Variants in ARMH1 observed in about 807,000 individuals in gnomAD.
ARMH1 encodes armadillo like helical domain containing 1.
A neutral mutation model predicts 50.2 loss-of-function variants in ARMH1; 34 were observed. The ratio of observed to expected loss-of-function variants is 0.68; its 90% confidence interval spans 0.51 to 0.90. ARMH1 has a LOEUF of 0.90. ARMH1 is among the 40% of genes least tolerant of loss of function. The probability of loss-of-function intolerance (pLI) is 0.00; values close to 1 mark genes in which losing one functional copy is unlikely to be tolerated. For missense variants in ARMH1, 538 were observed against 553.9 expected (o/e 0.97, Z 0.29); for synonymous variants, 221 against 224.2 (o/e 0.99, Z 0.13).
intron 6 of ARMH1, among the ~76,000 whole-genome samples, chr1:44,717,860 T>C (rs1646917653): frequency 6.6e-6 from 1 of 152,216 alleles, no homozygotes; most frequent in South Asian, 2.1e-4. Context: ...ACTAGCACGA[T>C]ATATAAAGAG....
intron 4 of ARMH1, 64 bp from the exon 5 acceptor site, chr1:44,700,859 A>C: frequency 7.2e-7 from 1 of 1,388,120 alleles, no homozygotes; most frequent in South Asian, 1.5e-5. Flanking sequence ...ATATTATATA[A>C]TCTTGAGTGG....
chr1:44,678,061 G>A (rs1210878607), intron 1 of ARMH1, among the ~76,000 whole-genome samples: 1 of 152,094 alleles, frequency 6.6e-6, no homozygotes, highest in Non-Finnish European at 1.5e-5. Flanking sequence ...TGAGGATGGA[G>A]GAGACTTAGC....
In ARMH1 at chr1:44,683,196, G is replaced by C. The variant is rs78161491; in HGVS notation, c.-22-6480G>C. Among the ~76,000 whole-genome samples the C allele has an allele frequency of 1.3e-4, 20 of 152,312 alleles. No individual in the cohort carries two copies. The East Asian group carries it at 3.3e-3, about 25-fold the overall frequency. On this transcript the variant is annotated intron_variant, in intron 1 of 11. Transcript: ENST00000535358. The surrounding 1 kb of genome is among the most constrained non-coding windows in gnomAD (Gnocchi z 4.2). ...AGACAACTTTTGGCTGACTAGGAGG[G>C]TGGTGACCCAAGCACTGAAATAGGA...
intron 6 of ARMH1, among the ~76,000 whole-genome samples, chr1:44,715,064 G>T (rs1646797638): frequency 6.6e-6 from 1 of 152,154 alleles, no homozygotes; most frequent in Non-Finnish European, 1.5e-5. Context: ...TCTTACAGCA[G>T]TGCAACATGC....
intron 2 of ARMH1, among the ~76,000 whole-genome samples, chr1:44,694,691 G>A (rs980153176): frequency 6.6e-6 from 1 of 151,756 alleles, no homozygotes; most frequent in Non-Finnish European, 1.5e-5. Context: ...TATATTTTTA[G>A]TAGAGACGGG....
At chr1:44,678,593 A>G (rs1446955899) in intron 1 of ARMH1, among the ~76,000 whole-genome samples, 1 of 152,106 alleles carries the variant, frequency 6.6e-6, no homozygotes, top group Non-Finnish European at 1.5e-5. Flanking sequence ...CTCTCTCCCT[A>G]TCTCTGAATG....
chr1:44,689,299 G>A (rs922436506), intron 1 of ARMH1: 1 of 192,756 alleles, frequency 5.2e-6, no homozygotes, highest in Non-Finnish European at 1.1e-5. Flanking sequence ...CTGACCTCAG[G>A]TGATCCACCT....
At chr1:44,689,050 CTTGT>C (rs1458313487) in intron 1 of ARMH1, 2 of 152,090 alleles carry the variant, frequency 1.3e-5, no homozygotes, top group Non-Finnish European at 2.9e-5. Context: ...TTGTTTGTTT[CTTGT>C]TTTTCTTTTT....
In ARMH1 at chr1:44,724,755, G is replaced by A. The variant is rs1648019884; in HGVS notation, c.1051-7G>A. 1 of 1,535,074 alleles carries A rather than the reference G, an allele frequency of 6.5e-7. No individual in the cohort carries two copies. The highest frequency in any genetic ancestry group is 8.7e-7 in the Non-Finnish European group (1 of 1,143,638). On this transcript the variant is annotated splice_polypyrimidine_tract_variant and splice_region_variant and intron_variant, in intron 9 of 11. Coordinates refer to ENST00000535358, the MANE Select transcript of ARMH1 (RefSeq NM_001145636.2). This position sits in a 1 kb window ranked among gnomAD's most constrained non-coding sequence, Gnocchi z 6.4. ...CGCAGTCACGCCGCCTCGCCCGCGCGGCGCAGTGCTTCGTGCAGATGTTCC... is the reference window on the plus strand; with the variant it reads ...CGCAGTCACGCCGCCTCGCCCGCGCAGCGCAGTGCTTCGTGCAGATGTTCC...
intron 6 of ARMH1, chr1:44,723,760 C>T (rs1295856087): frequency 5.0e-6 from 1 of 201,110 alleles, no homozygotes; most frequent in East Asian, 1.2e-4. Context: ...TTCTCTGTCT[C>T]CCTCTCACCC....
intron 6 of ARMH1, among the ~76,000 whole-genome samples, chr1:44,716,365 G>A (rs1048845471): frequency 6.6e-6 from 1 of 152,126 alleles, no homozygotes; most frequent in Non-Finnish European, 1.5e-5. Context: ...AAGGAGGTGG[G>A]CACTATTATT....
chr1:44,718,991 C>T (rs1646966685), intron 6 of ARMH1, among the ~76,000 whole-genome samples: 1 of 145,300 alleles, frequency 6.9e-6, no homozygotes, highest in Non-Finnish European at 1.5e-5. Context: ...CACCATAGTA[C>T]TCCAGCCTGG....
chr1:44,709,001 G>A (rs1369802164), intron 6 of ARMH1, among the ~76,000 whole-genome samples: 1 of 152,086 alleles, frequency 6.6e-6, no homozygotes, highest in Admixed American at 6.6e-5. Context: ...GATTAAAAGA[G>A]ACTTAAAAGA....
At position 44,709,940 on chromosome 1, in the gene ARMH1, C is replaced by A. The variant is rs111899807; in HGVS notation, c.724+5767C>A. ...TTGGAAAATGGTCATTTGTAGAATA[C>A]AATTTTTGTCTACTTGACCTAGAAC... On this transcript the variant is annotated intron_variant, in intron 6 of 11. Coordinates refer to ENST00000535358, the MANE Select transcript of ARMH1 (RefSeq NM_001145636.2). Among the ~76,000 whole-genome samples, 452 of 152,260 alleles carry A rather than the reference C, an allele frequency of 3.0e-3. 4 individuals carry two copies. The highest frequency in any genetic ancestry group is 0.01 in the African/African-American group (430 of 41,520).
Position 44,674,871 on chromosome 1 carries a change from G to A in ARMH1, c.-25G>A, listed in dbSNP as rs1645078031. 1 of 155,720 alleles carries A rather than the reference G, an allele frequency of 6.4e-6. No homozygotes were observed. The highest frequency in any genetic ancestry group is 2.4e-5 in the African/African-American group (1 of 41,540). The allele number at this position is 155,720 out of a possible 1,614,324, so 9.6% of individuals were successfully genotyped here. ...CTACCAGCCGCAACTGCGAGGGCTGGAGGTATAAAACCGTACAAAACGGCC... is the reference window on the plus strand; with the variant it reads ...CTACCAGCCGCAACTGCGAGGGCTGAAGGTATAAAACCGTACAAAACGGCC... On this transcript the variant is annotated splice_region_variant and 5_prime_UTR_variant, in exon 1 of 12. Transcript: ENST00000535358.
chr1:44,693,537 C>T (rs72899529), intron 2 of ARMH1, among the ~76,000 whole-genome samples: 5,317 of 152,206 alleles, frequency 0.035, 324 homozygotes, highest in African/African-American at 0.12. Context: ...CAGCCTCAAC[C>T]TCCCGGGCTT....
In ARMH1 at chr1:44,704,740, G is replaced by C. The variant is rs767663176; in HGVS notation, c.724+567G>C. Among the ~76,000 whole-genome samples, 21 of 152,086 alleles carry C rather than the reference G, an allele frequency of 1.4e-4. No homozygotes were observed. In the South Asian group the frequency reaches 2.5e-3, roughly 18 times the overall value. The stretch of plus-strand genomic sequence containing the variant: ...TTGCCCAGGCTGGTCTTGAACTCCA[G>C]GCCTCAAGCGATCCTCTCACCTCAG... On this transcript the variant is annotated intron_variant, in intron 6 of 11. Transcript: ENST00000535358.
chr1:44,689,776 G>C lies in ARMH1; in HGVS notation c.79G>C (p.Ala27Pro). The C allele has an allele frequency of 1.1e-5, 17 of 1,551,956 alleles. No homozygotes were observed. The highest frequency in any genetic ancestry group is 1.5e-5 in the Non-Finnish European group (17 of 1,147,060). Residue 27 changes from alanine (A) to proline (P), a missense_variant, in exon 2 of 12, where the codon GCA becomes CCA. Ala to Pro is a conservative substitution (Grantham distance 27, BLOSUM62 -1). Transcript: ENST00000535358. ...GGAGTGGGACAACGCTGGCAAAGTC[G>C]CAAGGAGTCACATCCTCGACAAGTT... The part of the protein sequence containing the change: ...LQEWDNAGKV[A>P]RSHILDKFIE...
At position 44,683,001 on chromosome 1, in the gene ARMH1, G is replaced by A. The variant is rs1329142639; in HGVS notation, c.-22-6675G>A. 2.0e-5 allele frequency among the ~76,000 whole-genome samples: 3 copies of A among 152,178 alleles called. No homozygotes were observed. The highest frequency in any genetic ancestry group is 2.9e-5 in the Non-Finnish European group (2 of 68,026). ...GTGGAGTTTAGGCTGGGGCAAGCCCGAAGACCAGTGGAGGCTGTTGCAGTA... is the reference window on the plus strand; with the variant it reads ...GTGGAGTTTAGGCTGGGGCAAGCCCAAAGACCAGTGGAGGCTGTTGCAGTA... On this transcript the variant is annotated intron_variant, in intron 1 of 11. Coordinates refer to ENST00000535358, the MANE Select transcript of ARMH1 (RefSeq NM_001145636.2). This position sits in a 1 kb window ranked among gnomAD's most constrained non-coding sequence, Gnocchi z 4.2.
Sources: gnomAD v4.1 joint callset for allele counts (sites outside exome capture counted in the v4.1 genomes callset) on GRCh38, gnomAD v4.1.1 for gene constraint, Gnocchi (gnomAD v3.1) non-coding constraint, MANE v1.5 for transcripts, NCBI Gene and HGNC (gene_info 2026-07-23, HGNC 2026-07-21) for gene names.